The following PDE9A variants were observed in gnomAD, a reference collection of about 807,000 sequenced individuals.
PDE9A encodes the protein phosphodiesterase 9A.
In PDE9A, 60 loss-of-function variants were observed where a neutral mutation model predicts 87.4. That is an observed-to-expected ratio of 0.69 (90% CI 0.56 to 0.85). PDE9A has a LOEUF of 0.85. Among genes scored for constraint, PDE9A ranks in the 40% least tolerant of loss-of-function variants. The pLI is 0.00. For missense variants in PDE9A, 665 were observed against 779.0 expected (o/e 0.85, Z 1.74); for synonymous variants, 272 against 279.4 (o/e 0.97, Z 0.27).
intron 7 of PDE9A, 126 bp from the exon 8 acceptor site, chr21:42,743,650 G>T (rs1161222980): frequency 1.6e-6 from 1 of 638,140 alleles, no homozygotes. Flanking sequence ...CAGGGCAGGT[G>T]TGGGGACCTC....
At chr21:42,703,565 A>AGGAAAGAG (rs2048562290) in intron 4 of PDE9A, among the ~76,000 whole-genome samples, 1 of 152,192 alleles carries the variant, frequency 6.6e-6, no homozygotes, top group Non-Finnish European at 1.5e-5. Context: ...CTGGGAGCAG[A>AGGAAAGAG]GGAAAGAGGG....
chr21:42,761,940 C>A, intron 13 of PDE9A, 143 bp from the exon 14 acceptor site: 1 of 765,346 alleles, frequency 1.3e-6, no homozygotes, highest in Non-Finnish European at 2.1e-6. Flanking sequence ...CCTGGCCAGG[C>A]CAGGGCACAG....
chr21:42,709,865 C>G (rs905073554), intron 4 of PDE9A, among the ~76,000 whole-genome samples: 1 of 152,194 alleles, frequency 6.6e-6, no homozygotes, highest in African/African-American at 2.4e-5. Flanking sequence ...CAATCCGCAT[C>G]ATGATGTTTG....
chr21:42,746,591 C>T (rs1427463226), intron 8 of PDE9A, among the ~76,000 whole-genome samples: 1 of 152,256 alleles, frequency 6.6e-6, no homozygotes, highest in Non-Finnish European at 1.5e-5. Flanking sequence ...ACATCTGCAA[C>T]AGTCATGTCC....
intron 2 of PDE9A, among the ~76,000 whole-genome samples, 170 bp from the exon 3 acceptor site, chr21:42,687,747 G>A (rs929661941): frequency 4.6e-5 from 7 of 152,190 alleles, no homozygotes; most frequent in African/African-American, 1.7e-4. Context: ...TACAATCGGA[G>A]TCTCAATGCC....
chr21:42,689,481 C>T, intron 3 of PDE9A: 1 of 941,140 alleles, frequency 1.1e-6, no homozygotes, highest in Non-Finnish European at 1.3e-6. Flanking sequence ...CACTGAGTGA[C>T]CTGTCCTCCT....
rs1324710603 is a variant in PDE9A, at chr21:42,692,070, C to T, written c.218+4076C>T. Among the ~76,000 whole-genome samples, 1 of 152,224 alleles carries T rather than the reference C, an allele frequency of 6.6e-6. No homozygotes were observed. The highest frequency in any genetic ancestry group is 1.5e-5 in the Non-Finnish European group (1 of 68,044). On this transcript the variant is annotated intron_variant, in intron 3 of 19. Transcript: ENST00000291539. The surrounding 1 kb of genome is among the most constrained non-coding windows in gnomAD (Gnocchi z 4.3). The stretch of plus-strand genomic sequence containing the variant: ...ATCTCACTTACTTGTTTGAGGTTCT[C>T]ACTGCTGCTGGCCCCGCTGGACGGT...
rs1179135366 is a variant in PDE9A, at chr21:42,767,131, C to T, written c.1357-1057C>T. On this transcript the variant is annotated intron_variant, in intron 15 of 19. Coordinates refer to ENST00000291539, the MANE Select transcript of PDE9A (RefSeq NM_002606.3). The stretch of plus-strand genomic sequence containing the variant: ...GGAGCCCCAGACGGGGCTTTATGAA[C>T]ACGGGTGGAGGACAGAGGTTGGGGT... Among the ~76,000 whole-genome samples, 10 of 151,896 alleles carry T rather than the reference C, an allele frequency of 6.6e-5. No homozygotes were observed. In the East Asian group the frequency reaches 9.7e-4, roughly 15 times the overall value.
At chr21:42,745,115 G>A (rs1160354444) in intron 8 of PDE9A, among the ~76,000 whole-genome samples, 6 of 152,212 alleles carry the variant, frequency 3.9e-5, no homozygotes, top group Admixed American at 6.5e-5. Flanking sequence ...TTGAAATTGA[G>A]GGCAATCTGC....
intron 3 of PDE9A, chr21:42,697,333 A>G: frequency 1.2e-6 from 1 of 815,882 alleles, no homozygotes; most frequent in South Asian, 1.5e-5. Flanking sequence ...TAACCATCAA[A>G]CCACATGTAT....
chr21:42,760,502 C>A lies in PDE9A; in HGVS notation c.1002+70C>A. On this transcript the variant is annotated intron_variant, in intron 12 of 19. Transcript: ENST00000291539. The surrounding 1 kb of genome is among the most constrained non-coding windows in gnomAD (Gnocchi z 5.2). ...CAGACGGAGGCCCCCTTCCAGGGAG[C>A]GGCAGCCCCATCCCACCAAGAGAGC... 3 of 968,578 alleles carry A rather than the reference C, an allele frequency of 3.1e-6. No individual in the cohort carries two copies. Among genetic ancestry groups the A allele is most frequent in the Admixed American group, 2.1e-5 (1 of 48,508 alleles). The allele number at this position is 968,578 out of a possible 1,614,324, so 60.0% of individuals were successfully genotyped here.
At chr21:42,709,677 T>TTG (rs1289690381) in intron 4 of PDE9A, among the ~76,000 whole-genome samples, 1 of 152,024 alleles carries the variant, frequency 6.6e-6, no homozygotes, top group Admixed American at 6.6e-5. Flanking sequence ...GTTTGTTTGT[T>TTG]TGTGTGTGTG....
chr21:42,661,254 C>A (rs957819478), intron 1 of PDE9A, among the ~76,000 whole-genome samples: 4 of 151,938 alleles, frequency 2.6e-5, no homozygotes, highest in Non-Finnish European at 5.9e-5. Context: ...TGGTCTCGAA[C>A]TCCTGACCAT....
At chr21:42,764,402 T>G in intron 14 of PDE9A, among the ~76,000 whole-genome samples, 1 of 152,184 alleles carries the variant, frequency 6.6e-6, no homozygotes, top group East Asian at 1.9e-4. Flanking sequence ...TCGTCTGCAG[T>G]AGGTCAAGGA....
chr21:42,745,639 G>A (rs994315988), intron 8 of PDE9A, among the ~76,000 whole-genome samples: 4 of 152,222 alleles, frequency 2.6e-5, no homozygotes, highest in African/African-American at 9.6e-5. Flanking sequence ...TGGGCTCTAC[G>A]TGGCTTGGTT....
At chr21:42,666,856 T>A (rs565059605) in intron 1 of PDE9A, among the ~76,000 whole-genome samples, 45 of 152,160 alleles carry the variant, frequency 3.0e-4, no homozygotes, top group African/African-American at 1.1e-3. Context: ...CCCCATCTTC[T>A]GGCCTTTGTA....
chr21:42,682,540 G>A (rs1159216969), intron 1 of PDE9A, among the ~76,000 whole-genome samples: 1 of 152,202 alleles, frequency 6.6e-6, no homozygotes, highest in Admixed American at 6.5e-5. Context: ...AAAAGCCTCT[G>A]TTGTTTGCTA....
rs1197507298 is a variant in PDE9A, at chr21:42,704,692, C to G, written c.262+5681C>G. ...GGTGCCCTTGTGAATCAACAGACCA[C>G]ATTTCCAGTGGCAGAAAAGGAAATG... On this transcript the variant is annotated intron_variant, in intron 4 of 19. Transcript: ENST00000291539. This position sits in a 1 kb window ranked among gnomAD's most constrained non-coding sequence, Gnocchi z 5.3. Among the ~76,000 whole-genome samples, 1 of 151,854 alleles carries G rather than the reference C, an allele frequency of 6.6e-6. No homozygotes were observed. The highest frequency in any genetic ancestry group is 1.9e-4 in the East Asian group (1 of 5,154).
chr21:42,771,578 A>G (rs566409522), intron 18 of PDE9A, among the ~76,000 whole-genome samples: 53 of 152,198 alleles, frequency 3.5e-4, no homozygotes, highest in African/African-American at 1.2e-3. Flanking sequence ...AGCACCCTCC[A>G]AGGCCCGTCA....
Sources: allele counts gnomAD v4.1 joint callset (sites outside exome capture counted in the v4.1 genomes callset), GRCh38; gene constraint gnomAD v4.1.1; non-coding constraint Gnocchi (gnomAD v3.1); transcripts MANE v1.5; gene names NCBI Gene and HGNC (gene_info 2026-07-23, HGNC 2026-07-21).